PIP5K1B: variants seen among roughly 807,000 people sequenced by gnomAD.
PIP5K1B encodes phosphatidylinositol 4-phosphate 5-kinase type-1 beta.
PIP5K1B carries 42 observed loss-of-function variants against 67.0 expected under a neutral mutation model. The observed-to-expected ratio is 0.63, with a 90% CI of 0.49 to 0.81. PIP5K1B has a LOEUF of 0.81. Among genes scored for constraint, PIP5K1B ranks in the 30% least tolerant of loss-of-function variants. The probability of loss-of-function intolerance (pLI) is 0.00; values close to 1 mark genes in which losing one functional copy is unlikely to be tolerated. For synonymous variants in PIP5K1B, 214 were observed against 231.4 expected (o/e 0.92, Z 0.68); for missense variants, 459 against 646.3 (o/e 0.71, Z 3.14).
intron 2 of PIP5K1B, among the ~76,000 whole-genome samples, chr9:68,772,302 CTTATT>C (rs1830703572): frequency 6.6e-6 from 1 of 152,204 alleles, no homozygotes; most frequent in Non-Finnish European, 1.5e-5. Context: ...AGTTGCTCTT[CTTATT>C]TTGTCTGAGA....
chr9:68,869,608 G>A (rs1823531633), intron 5 of PIP5K1B, among the ~76,000 whole-genome samples: 1 of 152,182 alleles, frequency 6.6e-6, no homozygotes, highest in African/African-American at 2.4e-5. Flanking sequence ...TATCTACAAT[G>A]GCTGCAGAGT....
intron 14 of PIP5K1B, among the ~76,000 whole-genome samples, chr9:68,958,495 G>A (rs1016325191): frequency 2.6e-5 from 4 of 152,084 alleles, no homozygotes; most frequent in African/African-American, 9.7e-5. Context: ...AGCATCCTAC[G>A]GACAAGAGAG....
chr9:68,750,237 CAT>C (rs1267437354), intron 2 of PIP5K1B, among the ~76,000 whole-genome samples: 6 of 152,116 alleles, frequency 3.9e-5, no homozygotes, highest in Admixed American at 2.0e-4. Flanking sequence ...TAAAGATGCA[CAT>C]GTTTTAATAT....
intron 2 of PIP5K1B, among the ~76,000 whole-genome samples, chr9:68,793,318 C>T (rs902923993): frequency 6.6e-6 from 1 of 151,990 alleles, no homozygotes; most frequent in Non-Finnish European, 1.5e-5. Context: ...GTGACATGAT[C>T]TGTCTTAGAT....
chr9:68,865,178 C>A (rs1823295527), intron 5 of PIP5K1B, among the ~76,000 whole-genome samples: 1 of 152,012 alleles, frequency 6.6e-6, no homozygotes, highest in Non-Finnish European at 1.5e-5. Context: ...GCCATGAGAA[C>A]CAGATTCCAG....
At chr9:68,767,593 T>TAAAAA (rs36028796) in intron 2 of PIP5K1B, among the ~76,000 whole-genome samples, 1 of 128,404 alleles carries the variant, frequency 7.8e-6, no homozygotes, top group East Asian at 2.2e-4. Flanking sequence ...GACTCTGTCT[T>TAAAAA]AAAAAAAAAA....
intron 4 of PIP5K1B, among the ~76,000 whole-genome samples, chr9:68,854,555 T>C: frequency 6.6e-6 from 1 of 152,290 alleles, no homozygotes; most frequent in East Asian, 1.9e-4. Context: ...AATAAACTTG[T>C]TATGATTACA....
intron 7 of PIP5K1B, among the ~76,000 whole-genome samples, chr9:68,890,401 A>C (rs1824724876): frequency 6.6e-6 from 1 of 152,238 alleles, no homozygotes; most frequent in African/African-American, 2.4e-5. Context: ...GGCTACATGA[A>C]GCTGTCTGGA....
At chr9:68,959,572 GATGAT>G (rs1828600684) in intron 14 of PIP5K1B, among the ~76,000 whole-genome samples, 1 of 152,058 alleles carries the variant, frequency 6.6e-6, no homozygotes, top group Non-Finnish European at 1.5e-5. Flanking sequence ...TTTGGAAGAG[GATGAT>G]ATAGCTCCCT....
At chr9:68,893,429 G>T (rs1009659666) in intron 7 of PIP5K1B, among the ~76,000 whole-genome samples, 1 of 150,804 alleles carries the variant, frequency 6.6e-6, no homozygotes, top group Non-Finnish European at 1.5e-5. Flanking sequence ...TGCCTGCCGG[G>T]TTAAAGCAAT....
At chr9:68,786,324 T>C (rs1296227209) in intron 2 of PIP5K1B, among the ~76,000 whole-genome samples, 2 of 152,218 alleles carry the variant, frequency 1.3e-5, no homozygotes, top group Admixed American at 1.3e-4. Flanking sequence ...CATTTATGAG[T>C]GTTTAAAATC....
intron 5 of PIP5K1B, among the ~76,000 whole-genome samples, chr9:68,872,444 CCTT>C (rs1337134809): frequency 6.6e-6 from 1 of 152,204 alleles, no homozygotes; most frequent in Admixed American, 6.5e-5. Flanking sequence ...GGTAAACAAA[CCTT>C]CTGCTGTGGT....
At chr9:68,991,580 G>A (rs549177426) in intron 15 of PIP5K1B, among the ~76,000 whole-genome samples, 24 of 152,330 alleles carry the variant, frequency 1.6e-4, no homozygotes, top group African/African-American at 5.8e-4. Context: ...GCTCCCTGAT[G>A]TTTGAATCTT....
At position 68,889,032 on chromosome 9, in the gene PIP5K1B, G is replaced by A. The variant is rs201679006; in HGVS notation, c.370G>A (p.Gly124Arg). ...LIELSNPGAS[G>R]SLFFVTSDDE... ...AGAACTGTCTAACCCTGGAGCCAGT[G>A]GATCCTTGTTTTTTGTGACCAGTGA... The change falls in exon 7 of 16, where the codon GGA becomes AGA. Residue 124 changes from glycine to arginine, a missense_variant. By Grantham distance (125) the Gly-to-Arg change is moderately radical. Transcript: ENST00000265382. 111 of 1,612,312 alleles carry A rather than the reference G, an allele frequency of 6.9e-5. No homozygotes were observed. The highest frequency in any genetic ancestry group is 1.2e-4 in the South Asian group (11 of 91,040).
chr9:68,995,797 C>T (rs1474638234), intron 15 of PIP5K1B, among the ~76,000 whole-genome samples: 1 of 138,536 alleles, frequency 7.2e-6, no homozygotes, highest in Non-Finnish European at 1.6e-5. Context: ...AAGAGCAAAA[C>T]TCCGTCTCAA....
chr9:68,844,827 G>A (rs1822105239), intron 4 of PIP5K1B, among the ~76,000 whole-genome samples: 1 of 152,184 alleles, frequency 6.6e-6, no homozygotes, highest in African/African-American at 2.4e-5. Context: ...TGCTCCACTT[G>A]TGAGAAAAAT....
chr9:68,735,316 C>CTTTTTTTTTTTTTTTTTT (rs558810934), intron 1 of PIP5K1B, among the ~76,000 whole-genome samples: 399 of 29,820 alleles, frequency 0.013, 89 homozygotes, highest in Non-Finnish European at 0.018. Context: ...CCCCTAGTGT[C>CTTTTTTTTTTTTTTTTTT]TTTTTTTTTT....
At chr9:68,934,787 A>G (rs1827169128) in intron 12 of PIP5K1B, 103 bp from the exon 13 acceptor site, 3 of 810,436 alleles carry the variant, frequency 3.7e-6, no homozygotes, top group Non-Finnish European at 5.3e-6. Context: ...CTATTCAAAT[A>G]ATAACTAAAA....
chr9:68,770,118 C>T (rs1018911153), intron 2 of PIP5K1B, among the ~76,000 whole-genome samples: 1 of 152,232 alleles, frequency 6.6e-6, no homozygotes, highest in African/African-American at 2.4e-5. Flanking sequence ...CAACAAGCAG[C>T]ACTCATGGAA....
Sources: gnomAD v4.1 joint callset for allele counts (sites outside exome capture counted in the v4.1 genomes callset) on GRCh38, gnomAD v4.1.1 for gene constraint, MANE v1.5 for transcripts, NCBI Gene and HGNC (gene_info 2026-07-23, HGNC 2026-07-21) for gene names.